The following CRPPA variants were observed in gnomAD, a reference collection of about 807,000 sequenced individuals.
CRPPA encodes D-ribitol-5-phosphate cytidylyltransferase.
Under a neutral mutation model 52.0 loss-of-function variants are expected in CRPPA, and 43 were observed. The ratio of observed to expected loss-of-function variants is 0.83; its 90% CI spans 0.65 to 1.07. The LOEUF (loss-of-function observed/expected upper bound fraction) is 1.07, where lower values mean the gene tolerates loss of function less well. Ranked by LOEUF, CRPPA falls within the 50% of genes least tolerant of loss-of-function variation. CRPPA has a pLI of 0.00. For missense variants in CRPPA, 629 were observed against 551.7 expected (o/e 1.14, Z -1.40); for synonymous variants, 250 against 203.5 (o/e 1.23, Z -1.94).
At chr7:16,137,884 A>G (rs1403699572) in intron 9 of CRPPA, among the ~76,000 whole-genome samples, 2 of 152,196 alleles carry the variant, frequency 1.3e-5, no homozygotes, top group African/African-American at 4.8e-5. Context: ...GATGAATTGT[A>G]CAATAAATGC....
chr7:16,421,046 C>A lies in CRPPA; in HGVS notation c.257+20G>T. On this transcript the variant is annotated intron_variant, in intron 1 of 9. Coordinates refer to ENST00000407010, the MANE Select transcript of CRPPA (RefSeq NM_001101426.4). ...GGCCGGGCCCCAGGGAACCGCGGGG[C>A]GCGCCCGGCGCCGCATTACCTCTCC... The A allele has an allele frequency of 7.9e-7, 1 of 1,263,302 alleles. No homozygotes were observed. Among genetic ancestry groups the A allele is most frequent in the East Asian group, 3.1e-5 (1 of 31,748 alleles). 78.3% of individuals were successfully genotyped at this position (1,263,302 alleles called of 1,614,324 possible).
intron 9 of CRPPA, chr7:16,208,932 C>A: frequency 2.9e-6 from 1 of 349,666 alleles, no homozygotes; most frequent in South Asian, 2.6e-5. Context: ...ATGCCAATAG[C>A]ATTCCCACAA....
At chr7:16,395,774 T>C (rs547944096) in intron 2 of CRPPA, among the ~76,000 whole-genome samples, 2 of 152,368 alleles carry the variant, frequency 1.3e-5, no homozygotes, top group South Asian at 4.1e-4. Context: ...TACTAGGATG[T>C]TAAACATTAT....
In CRPPA at chr7:16,132,266, C is replaced by T. The variant is rs1455242634; in HGVS notation, c.1252-40467G>A. On this transcript the variant is annotated intron_variant, in intron 9 of 9. Transcript: ENST00000407010. ...CCGCTTTCAGAGTGGTGATGTCCAT[C>T]GTATGCCTGTAACATTATTGTATTT... Among the ~76,000 whole-genome samples, 4 of 116,630 alleles carry T rather than the reference C, an allele frequency of 3.4e-5. 2 individuals are homozygous for T. The highest frequency in any genetic ancestry group is 7.9e-5 in the Non-Finnish European group (4 of 50,638). 76.5% of individuals were successfully genotyped at this position (116,630 alleles called of 152,430 possible). A position where few individuals can be genotyped will look rare whatever the true frequency, so the allele number is the denominator to read the frequency against.
chr7:16,144,059 A>C (rs912064863), intron 9 of CRPPA, among the ~76,000 whole-genome samples: 1 of 152,172 alleles, frequency 6.6e-6, no homozygotes, highest in Non-Finnish European at 1.5e-5. Context: ...GAGGGAAGGA[A>C]ATTCTAGTGG....
At position 16,376,177 on chromosome 7, in the gene CRPPA, T is replaced by C. The variant is rs1786879765; in HGVS notation, c.599A>G (p.Asp200Gly). 6.2e-7 allele frequency: 1 copy of C among 1,613,276 alleles called. No individual in the cohort carries two copies. Among genetic ancestry groups the C allele is most frequent in the African/African-American group, 1.3e-5 (1 of 74,876 alleles). Reference sequence around the variant, plus strand: ...GTGTCTGGCACGTTCTAGCGAGTAGTCTAAGCAACCATCAGCAGATGGACT... The same window carrying C: ...GTGTCTGGCACGTTCTAGCGAGTAGCCTAAGCAACCATCAGCAGATGGACT... ...VVSPSADGCL[D>G]YSLERARHRA... is the part of the protein sequence containing the mutation. Residue 200 changes from aspartate to glycine, a missense_variant, in exon 3 of 10, where the codon GAC (aspartate) becomes GGC (glycine). Asp to Gly is a moderately conservative substitution (Grantham distance 94). Transcript: ENST00000407010.
In CRPPA at chr7:16,091,705, A is replaced by G. The variant is rs776711257; in HGVS notation, c.1346T>C (p.Leu449Pro). 6.5e-7 allele frequency: 1 copy of G among 1,547,314 alleles called. No individual in the cohort carries two copies. The highest frequency in any genetic ancestry group is 1.2e-5 in the South Asian group (1 of 82,696). Residue 449 changes from leucine to proline, a missense_variant, in exon 10 of 10, where the codon CTG becomes CCG. Physicochemically the swap from Leu to Pro is moderately conservative, Grantham distance 98. Coordinates refer to ENST00000407010, the MANE Select transcript of CRPPA (RefSeq NM_001101426.4). ...AATTTTTTGTGTTCTTCATGCTATCAGAAGCTGACCAATGAGTCCAGAATT... is the reference window on the plus strand; with the variant it reads ...AATTTTTTGTGTTCTTCATGCTATCGGAAGCTGACCAATGAGTCCAGAATT... ...ERNSGLIGQLLIA is the reference protein window; with the variant it reads ...ERNSGLIGQLPIA
chr7:16,364,553 A>G (rs1260634032), intron 3 of CRPPA, among the ~76,000 whole-genome samples: 1 of 152,190 alleles, frequency 6.6e-6, no homozygotes, highest in African/African-American at 2.4e-5. Flanking sequence ...TGTTGTGTAG[A>G]AGCAGCAGAC....
intron 6 of CRPPA, among the ~76,000 whole-genome samples, chr7:16,262,580 T>A (rs1018550561): frequency 1.3e-5 from 2 of 152,196 alleles, no homozygotes; most frequent in African/African-American, 4.8e-5. Context: ...ATTTTTTAAG[T>A]ACAAATTGTA....
chr7:16,412,164 C>A (rs1179189902), intron 1 of CRPPA, among the ~76,000 whole-genome samples: 1 of 152,120 alleles, frequency 6.6e-6, no homozygotes, highest in Non-Finnish European at 1.5e-5. Flanking sequence ...CTATTTCAAA[C>A]AATTGTATGA....
chr7:16,322,493 A>T (rs542316798), intron 3 of CRPPA, among the ~76,000 whole-genome samples: 1 of 152,244 alleles, frequency 6.6e-6, no homozygotes, highest in East Asian at 1.9e-4. Context: ...CTAATCTCCC[A>T]TTTTCGCCAA....
intron 5 of CRPPA, among the ~76,000 whole-genome samples, chr7:16,286,060 T>TAATATTTAAA (rs1562608487): frequency 5.8e-5 from 2 of 34,674 alleles, no homozygotes; most frequent in African/African-American, 3.9e-4. Flanking sequence ...TATATATATA[T>TAATATTTAAA]ATATATATAT....
At chr7:16,326,891 C>CTTG (rs3083266) in intron 3 of CRPPA, among the ~76,000 whole-genome samples, 68,266 of 151,602 alleles carry the variant, frequency 0.45, 15,596 homozygotes, top group South Asian at 0.6. Flanking sequence ...AGCCTAAATA[C>CTTG]TATCAAATCA....
chr7:16,355,646 T>C (rs1225318046), intron 3 of CRPPA, among the ~76,000 whole-genome samples: 1 of 152,236 alleles, frequency 6.6e-6, no homozygotes, highest in East Asian at 1.9e-4. Flanking sequence ...TTAAAGTCTG[T>C]GACCATTACT....
At chr7:16,303,498 A>AAAAAAAAAAT (rs1784838894) in intron 4 of CRPPA, among the ~76,000 whole-genome samples, 1 of 149,516 alleles carries the variant, frequency 6.7e-6, no homozygotes, top group Admixed American at 6.8e-5. Flanking sequence ...AAAAAAAAAA[A>AAAAAAAAAAT]AAAAACTTTC....
intron 6 of CRPPA, among the ~76,000 whole-genome samples, chr7:16,259,377 G>C (rs979487949): frequency 6.6e-5 from 10 of 151,922 alleles, no homozygotes; most frequent in Admixed American, 3.3e-4. Context: ...CAGGTATCTG[G>C]AAGCACATAA....
intron 3 of CRPPA, among the ~76,000 whole-genome samples, chr7:16,318,794 T>G (rs1315119555): frequency 6.6e-6 from 1 of 152,136 alleles, no homozygotes; most frequent in Non-Finnish European, 1.5e-5. Flanking sequence ...CCAAAGCAAG[T>G]CAGGCAAGCA....
intron 3 of CRPPA, among the ~76,000 whole-genome samples, chr7:16,372,832 G>C (rs370582392): frequency 1.3e-5 from 2 of 152,194 alleles, no homozygotes; most frequent in African/African-American, 4.8e-5. Context: ...TTAAGGTAAA[G>C]AGGTGGAAAA....
intron 8 of CRPPA, chr7:16,247,742 T>G (rs528205952): frequency 6.6e-6 from 1 of 152,294 alleles, no homozygotes; most frequent in South Asian, 2.1e-4. Flanking sequence ...GAAGTATGCC[T>G]ACGTTCAAGT....
Sources: allele counts gnomAD v4.1 joint callset (sites outside exome capture counted in the v4.1 genomes callset), GRCh38; gene constraint gnomAD v4.1.1; transcripts MANE v1.5; gene names NCBI Gene and HGNC (gene_info 2026-07-23, HGNC 2026-07-21).